The following IP6K1 variants were observed in gnomAD, a reference collection of about 807,000 sequenced individuals.
The protein encoded by IP6K1 is ATP:1D-myo-inositol-hexakisphosphate phosphotransferase.
A neutral mutation model predicts 38.3 loss-of-function variants in IP6K1; 13 were observed. That is an observed-to-expected ratio of 0.34 (90% CI 0.22 to 0.54). The LOEUF (loss-of-function observed/expected upper bound fraction) is 0.54, where lower values mean the gene tolerates loss of function less well. Ranked by LOEUF, IP6K1 falls within the 20% of genes least tolerant of loss-of-function variation. IP6K1 has a pLI of 0.92. For synonymous variants in IP6K1, 212 were observed against 229.9 expected (o/e 0.92, Z 0.70); for missense variants, 397 against 599.8 (o/e 0.66, Z 3.53).
chr3:49,754,547 G>A (rs187560466), intron 1 of IP6K1, among the ~76,000 whole-genome samples: 1 of 152,224 alleles, frequency 6.6e-6, no homozygotes, highest in East Asian at 1.9e-4. Context: ...GTAAGGAGAA[G>A]AACCAGACTA....
At chr3:49,746,992 A>G (rs2080726054) in intron 2 of IP6K1, among the ~76,000 whole-genome samples, 1 of 152,204 alleles carries the variant, frequency 6.6e-6, no homozygotes. Context: ...CAACATTGTG[A>G]ATGTGTTAAT....
chr3:49,773,815 C>A (rs925299883), intron 1 of IP6K1, among the ~76,000 whole-genome samples: 2 of 152,000 alleles, frequency 1.3e-5, no homozygotes, highest in Non-Finnish European at 2.9e-5. Flanking sequence ...GCTGCTTGAC[C>A]CTGATCCATA....
chr3:49,766,233 C>T (rs1292269557), intron 1 of IP6K1, among the ~76,000 whole-genome samples: 2 of 152,014 alleles, frequency 1.3e-5, no homozygotes, highest in Non-Finnish European at 2.9e-5. Context: ...GGTGTGGTGG[C>T]AGATGCCTGT....
At position 49,728,246 on chromosome 3, in the gene IP6K1, A is replaced by G. The variant is rs151229839; in HGVS notation, c.649T>C (p.Phe217Leu). The G allele has an allele frequency of 6.2e-7, 1 of 1,614,010 alleles. No homozygotes were observed. Among genetic ancestry groups the G allele is most frequent in the African/African-American group, 1.3e-5 (1 of 74,932 alleles). The change falls in exon 5 of 6, where the codon TTC becomes CTC. Residue 217 changes from phenylalanine (F) to leucine (L), a missense_variant. Phe to Leu is a conservative substitution (Grantham distance 22, BLOSUM62 0). Around this residue, in one of 3 missense-constraint regions of IP6K1, gnomAD observed 62 missense variants for 149.2 expected, o/e 0.42. Transcript: ENST00000321599. The part of the protein sequence containing the change: ...FLLLENVVHH[F>L]KYPCVLDLKM... ...AGGTCCAACACGCAGGGGTACTTGA[A>G]GTGGTGCACCACGTTCTCAAGCAGG...
intron 1 of IP6K1, chr3:49,775,586 CA>C: frequency 9.2e-5 from 89 of 962,916 alleles, no homozygotes; most frequent in Non-Finnish European, 1.0e-4. Flanking sequence ...TCTACGAACA[CA>C]AAAAAATGCA....
intron 1 of IP6K1, among the ~76,000 whole-genome samples, chr3:49,774,678 A>G (rs1199772054): frequency 6.6e-6 from 1 of 152,182 alleles, no homozygotes; most frequent in African/African-American, 2.4e-5. Flanking sequence ...TATCAACAAA[A>G]GCACTGTCTG....
chr3:49,738,446 A>G (rs778491196), intron 2 of IP6K1, 24 bp from the exon 3 acceptor site: 1 of 1,586,748 alleles, frequency 6.3e-7, no homozygotes, highest in South Asian at 1.1e-5. Flanking sequence ...GGCAGTTGGT[A>G]AACAAATGTC....
chr3:49,785,990 A>C (rs1238278005), intron 1 of IP6K1: 3 of 152,260 alleles, frequency 2.0e-5, no homozygotes, highest in African/African-American at 7.2e-5. Context: ...TCTAAGAAAG[A>C]GGTAAGTCTA....
In IP6K1 at chr3:49,727,599, C is replaced by G; in HGVS notation, c.849G>C (p.Gly283=). Residue 283 remains glycine (G), a synonymous_variant, in exon 6 of 6, where the codon GGG becomes GGC. Coordinates refer to ENST00000321599, the MANE Select transcript of IP6K1 (RefSeq NM_153273.4). The surrounding 1 kb of genome is among the most constrained non-coding windows in gnomAD (Gnocchi z 5.9). ...YLCRNKYYGR[G]LSIEGFRNAL... is the part of the protein sequence containing the mutation. ...CATTGCGGAAGCCTTCAATGGAGAG[C>G]CCACGGCCATAGTACTTGTTCCTGC... 1.9e-6 allele frequency: 3 copies of G among 1,614,166 alleles called. No homozygotes were observed. Among genetic ancestry groups the G allele is most frequent in the Non-Finnish European group, 2.5e-6 (3 of 1,180,006 alleles).
At position 49,727,121 on chromosome 3, in the gene IP6K1, C is replaced by T. The variant is rs781429747; in HGVS notation, c.*1G>A. 17 of 1,594,410 alleles carry T rather than the reference C, an allele frequency of 1.1e-5. No homozygotes were observed. The highest frequency in any genetic ancestry group is 3.4e-5 in the Admixed American group (2 of 59,020). Reference sequence around the variant, plus strand: ...GGGGTTCTGGGGGCCCAGAACAGGGCCTACTGGTTCTCGTCCCGCATCTGT... The same window carrying T: ...GGGGTTCTGGGGGCCCAGAACAGGGTCTACTGGTTCTCGTCCCGCATCTGT... On this transcript the variant is annotated 3_prime_UTR_variant, in exon 6 of 6. Coordinates refer to ENST00000321599, the MANE Select transcript of IP6K1 (RefSeq NM_153273.4). This position sits in a 1 kb window ranked among gnomAD's most constrained non-coding sequence, Gnocchi z 5.9.
chr3:49,752,352 G>A (rs905723759), intron 1 of IP6K1, among the ~76,000 whole-genome samples: 8 of 151,782 alleles, frequency 5.3e-5, no homozygotes, highest in Non-Finnish European at 7.4e-5. Context: ...GACGGGTGTG[G>A]TGGCGGGCGC....
rs2080553272 is a variant in IP6K1, at chr3:49,730,548, T to C, written c.616+2243A>G. 1.3e-5 allele frequency among the ~76,000 whole-genome samples: 2 copies of C among 152,100 alleles called. 1 individual carries two copies. Among genetic ancestry groups the C allele is most frequent in the Admixed American group, 1.3e-4 (2 of 15,264 alleles). On this transcript the variant is annotated intron_variant, in intron 4 of 5. Coordinates refer to ENST00000321599, the MANE Select transcript of IP6K1 (RefSeq NM_153273.4). ...TCTTTAGAAAAAGCTGGATTTACATTTCTTTTCTTTTTTTTTAGGATGCAG... is the reference window on the plus strand; with the variant it reads ...TCTTTAGAAAAAGCTGGATTTACATCTCTTTTCTTTTTTTTTAGGATGCAG...
chr3:49,777,373 C>A (rs1213115395), intron 1 of IP6K1, among the ~76,000 whole-genome samples: 1 of 151,384 alleles, frequency 6.6e-6, no homozygotes, highest in Non-Finnish European at 1.5e-5. Context: ...ACCATCCTGG[C>A]TAACACAGTG....
intron 1 of IP6K1, among the ~76,000 whole-genome samples, chr3:49,774,887 T>G (rs140362704): frequency 2.7e-3 from 405 of 152,314 alleles, no homozygotes; most frequent in African/African-American, 4.7e-3. Flanking sequence ...TCTTTTTTTT[T>G]TTGTTTAATA....
intron 3 of IP6K1, 63 bp downstream of exon 3, chr3:49,738,149 G>A: frequency 7.6e-7 from 1 of 1,313,754 alleles, no homozygotes; most frequent in Non-Finnish European, 1.1e-6. Context: ...TCCCCATGAT[G>A]TGTCAGGACT....
chr3:49,761,598 C>T (rs538979728), intron 1 of IP6K1, among the ~76,000 whole-genome samples: 5 of 136,318 alleles, frequency 3.7e-5, no homozygotes, highest in South Asian at 4.8e-4. Flanking sequence ...TGGGCAACAG[C>T]GCGAGACTCC....
Position 49,727,233 on chromosome 3 carries a change from G to A in IP6K1, c.1215C>T (p.Phe405=), listed in dbSNP as rs752895554. ...CGGTGGGGTCATCCCGGAAGCCCTTGAATGTGCTGTGTGCAAAGTCAATCA... is the reference window on the plus strand; with the variant it reads ...CGGTGGGGTCATCCCGGAAGCCCTTAAATGTGCTGTGTGCAAAGTCAATCA... ...VRMIDFAHST[F]KGFRDDPTVH... The change falls in exon 6 of 6, where the codon TTC becomes TTT. Residue 405 remains phenylalanine (F), a synonymous_variant. Transcript: ENST00000321599. The surrounding 1 kb of genome is among the most constrained non-coding windows in gnomAD (Gnocchi z 5.9). The A allele has an allele frequency of 6.2e-7, 1 of 1,614,186 alleles. No individual in the cohort carries two copies. The highest frequency in any genetic ancestry group is 1.1e-5 in the South Asian group (1 of 91,082).
At chr3:49,758,370 G>C (rs2080842319) in intron 1 of IP6K1, 2 of 147,764 alleles carry the variant, frequency 1.4e-5, no homozygotes, top group South Asian at 4.3e-4. Context: ...ACTCTCCAGA[G>C]TAAGGAATTA....
At chr3:49,775,546 T>A in intron 1 of IP6K1, 1 of 1,023,160 alleles carries the variant, frequency 9.8e-7, no homozygotes, top group Non-Finnish European at 1.4e-6. Context: ...CCAAAGATTG[T>A]CAATTTGGGG....
Sources: gnomAD v4.1 joint callset for allele counts (sites outside exome capture counted in the v4.1 genomes callset) on GRCh38, gnomAD v4.1.1 for gene constraint, gnomAD v4.1.1 regional missense constraint, Gnocchi (gnomAD v3.1) non-coding constraint, MANE v1.5 for transcripts, NCBI Gene and HGNC (gene_info 2026-07-23, HGNC 2026-07-21) for gene names.